ENPP3: variants seen among roughly 807,000 people sequenced by gnomAD.
The protein encoded by ENPP3 is ectonucleotide pyrophosphatase/phosphodiesterase 3, also known as ectonucleotide pyrophosphatase/phosphodiesterase family member 3.
In ENPP3, 104 loss-of-function variants were observed where a neutral mutation model predicts 117.8. The ratio of observed to expected loss-of-function variants is 0.88; its 90% CI spans 0.75 to 1.04. ENPP3 has a LOEUF of 1.04. Among genes scored for constraint, ENPP3 ranks in the 50% least tolerant of loss-of-function variants. The pLI, the probability that ENPP3 is intolerant of heterozygous loss-of-function variation, is 0.00. For synonymous variants in ENPP3, 380 were observed against 349.9 expected, an observed-to-expected ratio of 1.09 and a Z score of -0.96; for missense variants, 1,026 against 1,051.9, an observed-to-expected ratio of 0.98 and a Z score of 0.34.
At chr6:131,658,478 C>G (rs1778432182) in intron 6 of ENPP3, 58 bp downstream of exon 6, 3 of 896,794 alleles carry the variant, frequency 3.3e-6, no homozygotes, top group Non-Finnish European at 3.7e-6. Context: ...TAGTCAATCT[C>G]TAGAGGATGC....
At chr6:131,731,018 A>G (rs1030400703) in intron 20 of ENPP3, among the ~76,000 whole-genome samples, 24 of 151,712 alleles carry the variant, frequency 1.6e-4, no homozygotes, top group Non-Finnish European at 5.9e-5. Flanking sequence ...CTTTTGAGTC[A>G]CGTCTGCAAC....
rs1484066168 is a variant in ENPP3 at position 131,671,240 on chromosome 6, T to G, written c.563-8T>G. On this transcript the variant is annotated splice_polypyrimidine_tract_variant and splice_region_variant and intron_variant, in intron 6 of 24. Transcript: ENST00000357639. Reference sequence around the variant, plus strand: ...AACTTCCTAATTTCTCACCATATTCTGTTGCAGAAACATGTGGAATTCATT... The same window carrying G: ...AACTTCCTAATTTCTCACCATATTCGGTTGCAGAAACATGTGGAATTCATT... 2 of 1,542,292 alleles carry G rather than the reference T, an allele frequency of 1.3e-6. No individual in the cohort carries two copies. Among genetic ancestry groups the G allele is most frequent in the East Asian group, 4.5e-5 (2 of 44,546 alleles).
intron 14 of ENPP3, 105 bp from the exon 15 acceptor site, chr6:131,693,392 C>A: frequency 2.1e-6 from 2 of 967,858 alleles, no homozygotes; most frequent in Admixed American, 2.4e-5. Context: ...AAGCTGAAAT[C>A]CCCTTACTTT....
chr6:131,723,998 T>C (rs374790638), intron 18 of ENPP3, 42 bp from the exon 19 acceptor site: 1 of 1,463,750 alleles, frequency 6.8e-7, no homozygotes, highest in Non-Finnish European at 9.5e-7. Flanking sequence ...ATTGTTGCTT[T>C]GACTTATTTC....
chr6:131,746,873 G>A lies in ENPP3; in HGVS notation c.2545G>A (p.Asp849Asn), dbSNP rs773045736. 1.2e-6 allele frequency: 2 copies of A among 1,613,198 alleles called. No homozygotes were observed. Among genetic ancestry groups the A allele is most frequent in the Admixed American group, 3.3e-5 (2 of 59,916 alleles). The change falls in exon 25 of 25, where the codon GAC (aspartate) becomes AAC (asparagine). Residue 849 changes from aspartate (D) to asparagine (N), a missense_variant. Asp to Asn is a conservative substitution (Grantham distance 23). Transcript: ENST00000357639. ...TGATGTAGAACTTCTCACTGGGCTT[G>A]ACTTCTATCAGGATAAAGTGCAGCC... The part of the protein sequence containing the change: ...VRDVELLTGL[D>N]FYQDKVQPVS...
intron 14 of ENPP3, among the ~76,000 whole-genome samples, chr6:131,692,419 A>G (rs917957346): frequency 1.3e-5 from 2 of 152,118 alleles, no homozygotes; most frequent in Admixed American, 6.6e-5. Flanking sequence ...AGACTATAAT[A>G]GGTTTCAAAA....
intron 2 of ENPP3, among the ~76,000 whole-genome samples, chr6:131,646,274 CTGTG>C (rs34014584): frequency 0.16 from 23,508 of 145,436 alleles, 2,101 homozygotes; most frequent in East Asian, 0.32. Context: ...TCTCAATACT[CTGTG>C]TGTGTGTGTG....
intron 13 of ENPP3, 37 bp downstream of exon 13, chr6:131,685,532 A>G: frequency 6.3e-7 from 1 of 1,599,896 alleles, no homozygotes. Context: ...AAAAGGGTAA[A>G]CCTGAAAGTG....
At chr6:131,641,997 A>G (rs546598864) in intron 2 of ENPP3, among the ~76,000 whole-genome samples, 1 of 151,134 alleles carries the variant, frequency 6.6e-6, no homozygotes, top group African/African-American at 2.4e-5. Context: ...GTTTCACTAC[A>G]TTGCCCAGGC....
At chr6:131,648,064 G>A (rs929385542) in intron 2 of ENPP3, among the ~76,000 whole-genome samples, 1 of 151,874 alleles carries the variant, frequency 6.6e-6, no homozygotes, top group East Asian at 1.9e-4. Context: ...CTTCCTGAAA[G>A]TTGTGAATTT....
chr6:131,690,800 T>C (rs1457940949), intron 14 of ENPP3, among the ~76,000 whole-genome samples: 1 of 151,860 alleles, frequency 6.6e-6, no homozygotes, highest in Non-Finnish European at 1.5e-5. Flanking sequence ...AGTATGCCGA[T>C]CTTGAGTAAA....
intron 20 of ENPP3, among the ~76,000 whole-genome samples, chr6:131,729,762 G>A (rs1780236481): frequency 6.6e-6 from 1 of 152,108 alleles, no homozygotes; most frequent in Admixed American, 6.5e-5. Flanking sequence ...CCTGGATAAA[G>A]GAGGCCACAT....
chr6:131,738,136 A>G lies in ENPP3; in HGVS notation c.2273A>G (p.His758Arg), dbSNP rs767025380. 1.2e-6 allele frequency: 2 copies of G among 1,611,432 alleles called. No individual in the cohort carries two copies. Among genetic ancestry groups the G allele is most frequent in the Non-Finnish European group, 1.7e-6 (2 of 1,178,602 alleles). ...GPIFDYNYDG[H>R]FDAPDEITKH... The stretch of plus-strand genomic sequence containing the variant: ...ATATTTGATTATAATTATGATGGCC[A>G]TTTTGATGCTCCAGATGAAATTACC... Residue 758 changes from histidine (H) to arginine (R), a missense_variant, in exon 23 of 25, where the codon CAT (histidine) becomes CGT (arginine). His to Arg is a conservative substitution (Grantham distance 29). Coordinates refer to ENST00000357639, the MANE Select transcript of ENPP3 (RefSeq NM_005021.5).
intron 3 of ENPP3, among the ~76,000 whole-genome samples, chr6:131,651,791 C>G (rs143694839): frequency 1.4e-4 from 21 of 152,266 alleles, no homozygotes; most frequent in African/African-American, 5.1e-4. Context: ...GTTCCCTTTA[C>G]TTAATCTCCA....
At chr6:131,740,478 T>C (rs1585741623) in intron 24 of ENPP3, 98 bp downstream of exon 24, 2 of 887,566 alleles carry the variant, frequency 2.3e-6, no homozygotes, top group East Asian at 2.7e-5. Flanking sequence ...TTTTTTTAGG[T>C]GTTTCATGGG....
intron 2 of ENPP3, among the ~76,000 whole-genome samples, chr6:131,643,702 T>C (rs1282927862): frequency 6.6e-6 from 1 of 152,164 alleles, no homozygotes; most frequent in East Asian, 1.9e-4. Flanking sequence ...TTCTTACAGA[T>C]TTACCGTCAT....
At chr6:131,670,870 A>G (rs1778724277) in intron 6 of ENPP3, among the ~76,000 whole-genome samples, 2 of 152,232 alleles carry the variant, frequency 1.3e-5, no homozygotes, top group South Asian at 2.1e-4. Context: ...GCAAATTTCA[A>G]TGTCCATAAA....
intron 15 of ENPP3, 33 bp from the exon 16 acceptor site, chr6:131,718,639 T>C (rs73001219): frequency 0.033 from 36,404 of 1,111,596 alleles, 1,220 homozygotes; most frequent in African/African-American, 0.14. Flanking sequence ...ATCAATATAT[T>C]GATCAGTGTG....
chr6:131,658,269 T>C (rs1778426797), intron 5 of ENPP3, 54 bp from the exon 6 acceptor site: 1 of 933,600 alleles, frequency 1.1e-6, no homozygotes, highest in Non-Finnish European at 1.8e-6. Context: ...GCAATGCTTT[T>C]GAGGTAAATG....
Sources: gnomAD v4.1 joint callset for allele counts (sites outside exome capture counted in the v4.1 genomes callset) on GRCh38, gnomAD v4.1.1 for gene constraint, MANE v1.5 for transcripts, NCBI Gene and HGNC (gene_info 2026-07-23, HGNC 2026-07-21) for gene names.